SHROOM2: variants seen among roughly 807,000 people sequenced by gnomAD.
SHROOM2 encodes the protein shroom family member 2.
SHROOM2 carries 33 observed loss-of-function variants against 75.9 expected under a neutral mutation model. That is an observed-to-expected ratio of 0.43 (90% confidence interval 0.33 to 0.58). SHROOM2 has a LOEUF of 0.58. Among genes scored for constraint, SHROOM2 ranks in the 20% least tolerant of loss-of-function variants. The pLI is 0.04. For synonymous variants in SHROOM2, 655 were observed against 663.6 expected, an observed-to-expected ratio of 0.99 and a Z score of 0.20; for missense variants, 1,434 against 1,461.2, an observed-to-expected ratio of 0.98 and a Z score of 0.30.
intron 1 of SHROOM2, among the ~76,000 whole-genome samples, chrX:9,823,137 CTCCTTCTCCTT>C (rs1444753166): frequency 1.7e-4 from 16 of 93,081 alleles, no homozygotes; most frequent in African/African-American, 5.6e-4. Flanking sequence ...CTTCTCCCTT[CTCCTTCTCCTT>C]CTTCCTTCTT....
chrX:9,934,307 C>T (rs1360855398), intron 6 of SHROOM2, among the ~76,000 whole-genome samples: 2 of 111,447 alleles, frequency 1.8e-5, no homozygotes, highest in Non-Finnish European at 3.8e-5. Flanking sequence ...TCTAGAGTCT[C>T]AAGTAATTTT....
intron 9 of SHROOM2, among the ~76,000 whole-genome samples, chrX:9,945,728 G>A (rs1380069098): frequency 9.0e-6 from 1 of 111,638 alleles, no homozygotes; most frequent in African/African-American, 3.3e-5. Flanking sequence ...AGTCTAGAAG[G>A]AAGCAGACAG....
chrX:9,936,938 G>T (rs1406453160), intron 6 of SHROOM2, among the ~76,000 whole-genome samples, 196 bp from the exon 7 acceptor site: 2 of 111,453 alleles, frequency 1.8e-5, no homozygotes, highest in East Asian at 5.7e-4. Context: ...TTGGAAGGCG[G>T]AGGTAGGAGT....
At position 9,841,744 on chromosome X, in the gene SHROOM2, T is replaced by C. The variant is rs183691147; in HGVS notation, c.166-31908T>C. 3.1e-3 allele frequency among the ~76,000 whole-genome samples: 343 copies of C among 111,702 alleles called. 2 individuals are homozygous for C. Among genetic ancestry groups the C allele is most frequent in the African/African-American group, 0.011 (335 of 30,758 alleles). On this transcript the variant is annotated intron_variant, in intron 1 of 9. Transcript: ENST00000380913. ...TGGGCCACAGAATCACATCTGATGTTCAAACATTCTAATGAGGCTAGGTGT... is the reference window on the plus strand; with the variant it reads ...TGGGCCACAGAATCACATCTGATGTCCAAACATTCTAATGAGGCTAGGTGT...
At chrX:9,864,845 A>AAAATAAAT (rs2084126125) in intron 1 of SHROOM2, among the ~76,000 whole-genome samples, 1 of 109,344 alleles carries the variant, frequency 9.1e-6, no homozygotes, top group Non-Finnish European at 1.9e-5. Context: ...TAAATAAATA[A>AAAATAAAT]AAATAAATAA....
At chrX:9,792,218 T>C (rs1024008005) in intron 1 of SHROOM2, among the ~76,000 whole-genome samples, 3 of 110,680 alleles carry the variant, frequency 2.7e-5, no homozygotes, top group Non-Finnish European at 5.7e-5. Flanking sequence ...TCCTTTACCT[T>C]GTGTGATGCA....
chrX:9,809,319 T>C (rs372032817), intron 1 of SHROOM2, among the ~76,000 whole-genome samples: 8 of 110,997 alleles, frequency 7.2e-5, no homozygotes, highest in African/African-American at 2.0e-4. Flanking sequence ...CAGTCTCTCC[T>C]TTTCACGCCT....
Position 9,944,623 on chromosome X carries a change from C to G in SHROOM2, c.4312-18C>G, listed in dbSNP as rs769537431. 8.4e-7 allele frequency: 1 copy of G among 1,192,525 alleles called. No individual in the cohort carries two copies. Among genetic ancestry groups the G allele is most frequent in the African/African-American group, 1.8e-5 (1 of 56,960 alleles). On this transcript the variant is annotated intron_variant, in intron 8 of 9. Transcript: ENST00000380913. Reference sequence around the variant, plus strand: ...TAACCAGTGTCTCCGTGTTCCCTTGCCATCCCGTGCCCAACAGCAGGAGCT... The same window carrying G: ...TAACCAGTGTCTCCGTGTTCCCTTGGCATCCCGTGCCCAACAGCAGGAGCT...
At chrX:9,792,019 T>G (rs777276516) in intron 1 of SHROOM2, among the ~76,000 whole-genome samples, 7 of 135 alleles carry the variant, frequency 0.052, no homozygotes, top group East Asian at 0.17. Context: ...TAGAATAGAA[T>G]AGAATAGAAT....
Position 9,937,393 on chromosome X carries a change from C to G in SHROOM2, c.3847C>G (p.Pro1283Ala). ...TAGGGCCCAGCCGGCTGAGCCCCAG[C>G]CCCTGGGCACCCAGGTGCCCCCCGA... is the stretch of plus-strand genomic sequence containing the variant. ...PHRAQPAEPQ[P>A]LGTQVPPEKD... Residue 1283 changes from proline to alanine, a missense_variant, in exon 7 of 10, where the codon CCC becomes GCC. This residue lies in a region of SHROOM2 where 1,340 missense variants were observed against 1,338.3 expected (regional missense o/e 1.00). Coordinates refer to ENST00000380913, the MANE Select transcript of SHROOM2 (RefSeq NM_001649.4). The G allele has an allele frequency of 4.2e-6, 5 of 1,204,816 alleles. 1 individual carries two copies. In the Admixed American group the frequency reaches 1.1e-4, roughly 27 times the overall value.
At chrX:9,836,137 A>G (rs924774351) in intron 1 of SHROOM2, among the ~76,000 whole-genome samples, 1 of 112,257 alleles carries the variant, frequency 8.9e-6, no homozygotes, top group Non-Finnish European at 1.9e-5. Context: ...GCCCAGGCCC[A>G]GGCCCAGGCC....
chrX:9,861,550 G>A (rs2084103777), intron 1 of SHROOM2, among the ~76,000 whole-genome samples: 1 of 112,204 alleles, frequency 8.9e-6, no homozygotes, highest in African/African-American at 3.2e-5. Flanking sequence ...CACTGTCCCT[G>A]AGAGTGGAGC....
intron 1 of SHROOM2, among the ~76,000 whole-genome samples, chrX:9,795,135 C>G (rs2083688544): frequency 1.1e-5 from 1 of 90,784 alleles, no homozygotes. Flanking sequence ...TTTGAAGAGA[C>G]AGGGTCTTGC....
In SHROOM2 at chrX:9,790,060, A is replaced by G. The variant is rs776715694; in HGVS notation, c.165+3350A>G. On this transcript the variant is annotated intron_variant, in intron 1 of 9. Transcript: ENST00000380913. ...GACAGAGCTTTGAAATGTCCTTTCC[A>G]GTGTGAATGCCAAAGACGGAATCAG... Among the ~76,000 whole-genome samples, 8 of 112,172 alleles carry G rather than the reference A, an allele frequency of 7.1e-5. No homozygotes were observed. In the South Asian group the frequency reaches 3.0e-3, roughly 42 times the overall value.
In SHROOM2 at chrX:9,891,579, G is replaced by A. The variant is rs184562333; in HGVS notation, c.449+471G>A. On this transcript the variant is annotated intron_variant, in intron 3 of 9. Transcript: ENST00000380913. ...TCACTAGTCTCCTGTTAAGAGGATG[G>A]CGGTAACAGCAGATAGTCTGCTTTT... Among the ~76,000 whole-genome samples, 223 of 112,405 alleles carry A rather than the reference G, an allele frequency of 2.0e-3. 7 individuals are homozygous for A. In the East Asian group the frequency reaches 0.038, roughly 19 times the overall value.
At chrX:9,924,171 C>T (rs1463218226) in intron 5 of SHROOM2, among the ~76,000 whole-genome samples, 1 of 111,787 alleles carries the variant, frequency 8.9e-6, no homozygotes, top group Non-Finnish European at 1.9e-5. Context: ...GAAGGTGGTT[C>T]CAACAGGACA....
Position 9,895,441 on chromosome X carries a change from G to A in SHROOM2, c.1533G>A (p.Thr511=), listed in dbSNP as rs761156128. ...CCCTCGAGAGTCTTCCCCCACCCACGGTGGGCCAGAGCCCACGCCATCACC... is the reference window on the plus strand; with the variant it reads ...CCCTCGAGAGTCTTCCCCCACCCACAGTGGGCCAGAGCCCACGCCATCACC... ...LGALESLPPP[T]VGQSPRHHLP... The change falls in exon 4 of 10, where the codon ACG becomes ACA. Residue 511 remains threonine (T), a synonymous_variant. Transcript: ENST00000380913. 8.3e-7 allele frequency: 1 copy of A among 1,209,021 alleles called. No homozygotes were observed. The highest frequency in any genetic ancestry group is 1.1e-6 in the Non-Finnish European group (1 of 894,541).
chrX:9,804,160 T>C (rs7059068), intron 1 of SHROOM2, among the ~76,000 whole-genome samples: 25,747 of 110,323 alleles, frequency 0.23, 2,680 homozygotes, highest in East Asian at 0.45. Context: ...CCCCAGTGGA[T>C]GAGGTCTTTG....
At chrX:9,919,540 C>T (rs763481226) in intron 5 of SHROOM2, among the ~76,000 whole-genome samples, 2 of 108,880 alleles carry the variant, frequency 1.8e-5, no homozygotes, top group Non-Finnish European at 3.8e-5. Context: ...CCATGTTGGG[C>T]AGGATGGTCT....
Sources: allele counts gnomAD v4.1 joint callset (sites outside exome capture counted in the v4.1 genomes callset), GRCh38; gene constraint gnomAD v4.1.1; regional missense constraint gnomAD v4.1.1; transcripts MANE v1.5; gene names NCBI Gene and HGNC (gene_info 2026-07-23, HGNC 2026-07-21).